SNTG1: variants seen among roughly 807,000 people sequenced by gnomAD.
SNTG1 encodes the protein syntrophin gamma 1.
In SNTG1, 39 loss-of-function variants were observed where a neutral mutation model predicts 74.7. The ratio of observed to expected loss-of-function variants is 0.52; its 90% CI spans 0.40 to 0.68. The LOEUF (loss-of-function observed/expected upper bound fraction) is 0.68. Among genes scored for constraint, SNTG1 ranks in the 30% least tolerant of loss-of-function variants. The pLI is 0.00. For synonymous variants in SNTG1, 254 were observed against 217.1 expected (o/e 1.17, Z -1.49); for missense variants, 685 against 609.5 (o/e 1.12, Z -1.30).
chr8:50,088,695 C>G (rs371309172), intron 1 of SNTG1, among the ~76,000 whole-genome samples: 11 of 140,006 alleles, frequency 7.9e-5, no homozygotes, highest in Admixed American at 3.1e-4. Flanking sequence ...ATCCAACTTA[C>G]AAGGGATGTG....
chr8:50,465,657 G>C (rs1194032145), intron 8 of SNTG1, among the ~76,000 whole-genome samples: 2 of 152,138 alleles, frequency 1.3e-5, no homozygotes, highest in African/African-American at 4.8e-5. Flanking sequence ...CACTGTTTCT[G>C]TAGTTTTTCC....
chr8:50,472,946 C>T (rs892538358), intron 8 of SNTG1, among the ~76,000 whole-genome samples: 2 of 152,022 alleles, frequency 1.3e-5, no homozygotes, highest in Admixed American at 6.6e-5. Context: ...ACACACTAAT[C>T]GTTAGGGAAA....
intron 1 of SNTG1, among the ~76,000 whole-genome samples, chr8:50,103,003 A>G (rs900975231): frequency 1.3e-4 from 20 of 151,772 alleles, no homozygotes; most frequent in South Asian, 2.1e-4. Flanking sequence ...TGATGCCTCC[A>G]GCTTTGTTCT....
intron 1 of SNTG1, among the ~76,000 whole-genome samples, chr8:50,030,452 A>G (rs150945200): frequency 9.0e-4 from 137 of 152,142 alleles, no homozygotes; most frequent in Admixed American, 6.0e-3. Flanking sequence ...CCTGTGTTTT[A>G]TTCCAAAATA....
intron 8 of SNTG1, among the ~76,000 whole-genome samples, chr8:50,454,829 T>TAAAAAAAAAAAAAAAAAA (rs1158732952): frequency 1.4e-4 from 13 of 95,146 alleles, no homozygotes; most frequent in African/African-American, 5.2e-4. Flanking sequence ...CAGACAGAGC[T>TAAAAAAAAAAAAAAAAAA]AAAAAAAAAA....
intron 18 of SNTG1, among the ~76,000 whole-genome samples, chr8:50,776,012 T>C (rs536661889): frequency 1.3e-4 from 20 of 151,694 alleles, no homozygotes; most frequent in Non-Finnish European, 2.7e-4. Context: ...AGCTTGTAGA[T>C]AGCATATATT....
intron 1 of SNTG1, among the ~76,000 whole-genome samples, chr8:50,066,186 G>A (rs1586122217): frequency 6.6e-6 from 1 of 151,814 alleles, no homozygotes; most frequent in African/African-American, 2.4e-5. Flanking sequence ...TTGTACTCCA[G>A]CCTGGGTAAC....
At chr8:50,371,753 T>C (rs2092273978) in intron 2 of SNTG1, among the ~76,000 whole-genome samples, 1 of 152,224 alleles carries the variant, frequency 6.6e-6, no homozygotes, top group South Asian at 2.1e-4. Flanking sequence ...TTACATCACA[T>C]CTTCCTGGTG....
chr8:50,204,469 T>C (rs191219931), intron 2 of SNTG1, among the ~76,000 whole-genome samples: 2 of 152,172 alleles, frequency 1.3e-5, no homozygotes, highest in Non-Finnish European at 2.9e-5. Context: ...CCAAATAAAC[T>C]GCAAGTTCAT....
chr8:50,698,147 G>C (rs2095411501), intron 15 of SNTG1, among the ~76,000 whole-genome samples: 2 of 151,960 alleles, frequency 1.3e-5, no homozygotes, highest in Non-Finnish European at 2.9e-5. Flanking sequence ...CTCTATTCAT[G>C]GTTTTTATTT....
chr8:50,748,015 G>C (rs1395100861), intron 17 of SNTG1, among the ~76,000 whole-genome samples: 1 of 151,890 alleles, frequency 6.6e-6, no homozygotes, highest in African/African-American at 2.4e-5. Context: ...TAGGAAAAAA[G>C]CAAAAACACA....
intron 8 of SNTG1, among the ~76,000 whole-genome samples, chr8:50,470,593 T>C (rs1486477488): frequency 1.3e-5 from 2 of 152,170 alleles, no homozygotes; most frequent in Non-Finnish European, 2.9e-5. Flanking sequence ...TCTTGCTGGC[T>C]TCAGGAGTGA....
intron 9 of SNTG1, among the ~76,000 whole-genome samples, chr8:50,524,277 A>T (rs1466134092): frequency 6.6e-6 from 1 of 152,026 alleles, no homozygotes; most frequent in Admixed American, 6.6e-5. Context: ...TATTGGTTTC[A>T]AGTTAGTGTC....
intron 2 of SNTG1, among the ~76,000 whole-genome samples, chr8:50,206,734 T>C (rs545972227): frequency 6.6e-6 from 1 of 152,220 alleles, no homozygotes; most frequent in Admixed American, 6.6e-5. Context: ...TTTTGAAATA[T>C]GTCCCATCAA....
At chr8:50,214,687 T>C (rs2131938873) in intron 2 of SNTG1, among the ~76,000 whole-genome samples, 1 of 152,286 alleles carries the variant, frequency 6.6e-6, no homozygotes, top group South Asian at 2.1e-4. Context: ...CTTGATTCAA[T>C]ACTAAGCCTA....
At chr8:50,459,185 T>C (rs1190250312) in intron 8 of SNTG1, among the ~76,000 whole-genome samples, 8 of 152,306 alleles carry the variant, frequency 5.3e-5, no homozygotes, top group African/African-American at 1.9e-4. Context: ...TTGCCCTAAA[T>C]GTTAGAGTTT....
At chr8:50,475,740 A>T (rs2093692220) in intron 8 of SNTG1, among the ~76,000 whole-genome samples, 1 of 152,210 alleles carries the variant, frequency 6.6e-6, no homozygotes, top group East Asian at 1.9e-4. Flanking sequence ...TCCAAAAAAA[A>T]TCATTTTAGA....
chr8:49,954,592 G>A (rs1809998942), intron 1 of SNTG1, among the ~76,000 whole-genome samples: 2 of 151,984 alleles, frequency 1.3e-5, no homozygotes, highest in South Asian at 4.2e-4. Context: ...AATACAATTT[G>A]TATTTCTAAA....
chr8:50,668,926 T>G (rs894158750), intron 15 of SNTG1, among the ~76,000 whole-genome samples: 1 of 152,064 alleles, frequency 6.6e-6, no homozygotes. Flanking sequence ...TTGTAAATAG[T>G]GCTGCAGTAA....
Sources: allele counts gnomAD v4.1 joint callset (sites outside exome capture counted in the v4.1 genomes callset), GRCh38; gene constraint gnomAD v4.1.1; transcripts MANE v1.5; gene names NCBI Gene and HGNC (gene_info 2026-07-23, HGNC 2026-07-21).